SLC4A4: variants seen among roughly 807,000 people sequenced by gnomAD.
SLC4A4 encodes the protein solute carrier family 4 member 4.
Under a neutral mutation model 111.5 loss-of-function variants are expected in SLC4A4, and 27 were observed. The observed-to-expected ratio is 0.24, with a 90% CI of 0.18 to 0.33. The LOEUF is 0.33. SLC4A4 is among the 10% of genes least tolerant of loss of function. The probability of loss-of-function intolerance (pLI) is 1.00; values close to 1 mark genes in which losing one functional copy is unlikely to be tolerated. For missense variants in SLC4A4, 909 were observed against 1,315.5 expected (o/e 0.69, Z 4.78); for synonymous variants, 443 against 463.4 (o/e 0.96, Z 0.57).
At chr4:71,069,968 A>G (rs768916516) in intron 1 of SLC4A4, among the ~76,000 whole-genome samples, 3 of 152,202 alleles carry the variant, frequency 2.0e-5, no homozygotes, top group Non-Finnish European at 4.4e-5. Flanking sequence ...CCAGCTGTTT[A>G]AGGATTTCCT....
At chr4:71,466,979 G>GAGAGAGAGAGCT (rs1363275518) in intron 13 of SLC4A4, among the ~76,000 whole-genome samples, 1 of 145,820 alleles carries the variant, frequency 6.9e-6, no homozygotes, top group Non-Finnish European at 1.5e-5. Flanking sequence ...GAGAGAGAGA[G>GAGAGAGAGAGCT]GTCTGAGTAT....
intron 1 of SLC4A4, among the ~76,000 whole-genome samples, chr4:71,214,501 G>C (rs527257479): frequency 6.6e-6 from 1 of 152,066 alleles, no homozygotes; most frequent in African/African-American, 2.4e-5. Flanking sequence ...TCAGGGATGT[G>C]GTCCCGCCAC....
At position 71,567,179 on chromosome 4, in the gene SLC4A4, C is replaced by T. The variant is rs1417298413; in HGVS notation, c.*36+96C>T. The T allele has an allele frequency of 9.4e-6, 9 of 956,722 alleles. 1 individual carries two copies. Among genetic ancestry groups the T allele is most frequent in the Non-Finnish European group, 1.3e-5 (8 of 624,680 alleles). The allele number at this position is 956,722 out of a possible 1,614,324, so 59.3% of individuals were successfully genotyped here. On this transcript the variant is annotated intron_variant, in intron 25 of 25. Transcript: ENST00000264485. ...GTTATTGACAGAACTTCTTGTTCTC[C>T]TTCGTCTCTATTATTTATCTTAAAT...
intron 8 of SLC4A4, among the ~76,000 whole-genome samples, chr4:71,441,789 A>G (rs1234013642): frequency 6.6e-6 from 1 of 152,190 alleles, no homozygotes; most frequent in African/African-American, 2.4e-5. Flanking sequence ...GTATTTTTTA[A>G]ACCCATTTTT....
chr4:71,089,881 T>TTCAAA (rs2148939891), intron 1 of SLC4A4, among the ~76,000 whole-genome samples: 1 of 144,536 alleles, frequency 6.9e-6, no homozygotes, highest in Non-Finnish European at 1.5e-5. Flanking sequence ...TGTTCTCAGA[T>TTCAAA]CTCCAGCTGT....
chr4:71,166,637 T>C (rs1284327714), intron 2 of SLC4A4, among the ~76,000 whole-genome samples: 1 of 152,228 alleles, frequency 6.6e-6, no homozygotes, highest in African/African-American at 2.4e-5. Context: ...ATTTGAAATA[T>C]GCATCAGGGT....
chr4:71,076,039 TA>T (rs1741807696), intron 1 of SLC4A4, among the ~76,000 whole-genome samples: 1 of 152,020 alleles, frequency 6.6e-6, no homozygotes, highest in African/African-American at 2.4e-5. Flanking sequence ...TGTTTCCCCT[TA>T]CCTATCTTAC....
intron 7 of SLC4A4, among the ~76,000 whole-genome samples, chr4:71,408,011 A>G (rs986601627): frequency 1.3e-5 from 2 of 152,218 alleles, no homozygotes; most frequent in African/African-American, 4.8e-5. Flanking sequence ...GCACATCATT[A>G]TGACCTTAAA....
At chr4:71,439,620 G>A (rs953802423) in intron 7 of SLC4A4, among the ~76,000 whole-genome samples, 1 of 151,604 alleles carries the variant, frequency 6.6e-6, no homozygotes, top group Non-Finnish European at 1.5e-5. Context: ...TGAAGTCTTG[G>A]TTTTCCTCCC....
intron 2 of SLC4A4, among the ~76,000 whole-genome samples, chr4:71,174,190 A>T (rs1418169109): frequency 1.3e-5 from 2 of 152,100 alleles, no homozygotes; most frequent in African/African-American, 4.8e-5. Flanking sequence ...ACATCTCTTA[A>T]AATTTGTGTT....
At chr4:71,454,185 C>T (rs936428368) in intron 12 of SLC4A4, among the ~76,000 whole-genome samples, 2 of 152,126 alleles carry the variant, frequency 1.3e-5, no homozygotes, top group Non-Finnish European at 2.9e-5. Flanking sequence ...TGCAGGTGGA[C>T]CTGATTCTCA....
chr4:71,496,431 T>C (rs1238131855), intron 15 of SLC4A4, among the ~76,000 whole-genome samples: 1 of 152,044 alleles, frequency 6.6e-6, no homozygotes, highest in Admixed American at 6.6e-5. Flanking sequence ...TTCAGCCTGA[T>C]CCCATGGGAG....
At chr4:71,312,059 A>G (rs550373961) in intron 3 of SLC4A4, among the ~76,000 whole-genome samples, 1 of 152,308 alleles carries the variant, frequency 6.6e-6, no homozygotes, top group East Asian at 1.9e-4. Context: ...AGAAGAATCA[A>G]ATAGACACAA....
intron 1 of SLC4A4, among the ~76,000 whole-genome samples, chr4:71,193,596 A>G (rs1745852576): frequency 6.6e-6 from 1 of 152,136 alleles, no homozygotes; most frequent in Non-Finnish European, 1.5e-5. Context: ...CCACATCCTT[A>G]CAAAAGGGGT....
At chr4:71,174,461 T>A (rs1745029110) in intron 2 of SLC4A4, among the ~76,000 whole-genome samples, 1 of 152,142 alleles carries the variant, frequency 6.6e-6, no homozygotes, top group Non-Finnish European at 1.5e-5. Flanking sequence ...TTGGCCAGGC[T>A]GGTCTCGAAC....
chr4:71,434,017 G>T (rs1412357919), intron 7 of SLC4A4, among the ~76,000 whole-genome samples: 7 of 151,910 alleles, frequency 4.6e-5, no homozygotes, highest in East Asian at 3.9e-4. Flanking sequence ...TATTTATAAA[G>T]AGCTTGAATG....
chr4:71,532,923 T>C (rs980443245), intron 17 of SLC4A4, among the ~76,000 whole-genome samples: 1 of 152,152 alleles, frequency 6.6e-6, no homozygotes, highest in South Asian at 2.1e-4. Context: ...AAAGTAGATA[T>C]AATAATTACT....
chr4:71,337,997 T>G (rs1003351283), intron 3 of SLC4A4, among the ~76,000 whole-genome samples: 1 of 151,806 alleles, frequency 6.6e-6, no homozygotes, highest in Admixed American at 6.6e-5. Context: ...GCCTGGCTAA[T>G]TTTTTGTATT....
At chr4:71,297,763 T>G (rs550333556) in intron 3 of SLC4A4, among the ~76,000 whole-genome samples, 1 of 152,038 alleles carries the variant, frequency 6.6e-6, no homozygotes, top group South Asian at 2.1e-4. Context: ...AATTTTTGTA[T>G]TTTTAGTAGA....
Sources: allele counts gnomAD v4.1 joint callset (sites outside exome capture counted in the v4.1 genomes callset), GRCh38; gene constraint gnomAD v4.1.1; transcripts MANE v1.5; gene names NCBI Gene and HGNC (gene_info 2026-07-23, HGNC 2026-07-21).